Variants in ATG10 observed in about 807,000 individuals in gnomAD.
ATG10 encodes ubiquitin-like-conjugating enzyme ATG10.
In ATG10, 30 loss-of-function variants were observed where a neutral mutation model predicts 32.1. That is an observed-to-expected ratio of 0.94 (90% CI 0.70 to 1.27). The LOEUF (loss-of-function observed/expected upper bound fraction) is 1.27, where lower values mean the gene tolerates loss of function less well. ATG10 is among the 50% of genes most tolerant of loss of function. ATG10 has a pLI of 0.00. For missense variants in ATG10, 233 were observed against 262.3 expected (o/e 0.89, Z 0.77); for synonymous variants, 87 against 91.5 (o/e 0.95, Z 0.28).
At chr5:81,978,193 C>T (rs576830565) in intron 1 of ATG10, among the ~76,000 whole-genome samples, 1 of 152,188 alleles carries the variant, frequency 6.6e-6, no homozygotes, top group East Asian at 1.9e-4. Context: ...CCTCAGCCTC[C>T]CAAGTAGCTG....
intron 3 of ATG10, among the ~76,000 whole-genome samples, chr5:82,162,155 GTTA>G (rs1218171465): frequency 3.3e-5 from 5 of 151,790 alleles, no homozygotes; most frequent in Middle Eastern, 3.2e-3. Flanking sequence ...ATCTCTAATA[GTTA>G]TTATTTCCGA....
rs869311526 is a variant in ATG10, at chr5:82,100,000, GTTTTTTTTTTT to G, written c.216+41414_216+41424del. 6.8e-3 allele frequency among the ~76,000 whole-genome samples: 400 copies of G among 58,960 alleles called. 5 individuals are homozygous for G. The highest frequency in any genetic ancestry group is 0.037 in the Middle Eastern group (3 of 80). 38.7% of individuals were successfully genotyped at this position (58,960 alleles called of 152,430 possible). The stretch of plus-strand genomic sequence containing the variant: ...CTGATTTCTTTCTTTCTTTTTCTGT[GTTTTTTTTTTT>G]TTTTTTTTTTTTTTTGAGCTGGAGT... On this transcript the variant is annotated intron_variant, in intron 3 of 7. Coordinates refer to ENST00000282185, the MANE Select transcript of ATG10 (RefSeq NM_031482.5).
At chr5:82,145,183 T>G (rs1767300344) in intron 3 of ATG10, among the ~76,000 whole-genome samples, 1 of 152,122 alleles carries the variant, frequency 6.6e-6, no homozygotes, top group South Asian at 2.1e-4. Flanking sequence ...TGCTTTGTTT[T>G]TTAAAAATTC....
intron 5 of ATG10, among the ~76,000 whole-genome samples, chr5:82,197,498 A>G (rs200978304): frequency 1.4e-5 from 2 of 139,774 alleles, no homozygotes; most frequent in South Asian, 2.3e-4. Flanking sequence ...CTACCTACCT[A>G]CCTGCCTATC....
At chr5:82,059,728 TC>T (rs756793250) in intron 3 of ATG10, among the ~76,000 whole-genome samples, 20 of 152,140 alleles carry the variant, frequency 1.3e-4, no homozygotes, top group Non-Finnish European at 2.9e-4. Flanking sequence ...CAATCAGACA[TC>T]AGCCCCCTTG....
intron 5 of ATG10, among the ~76,000 whole-genome samples, chr5:82,227,366 T>G (rs1172583360): frequency 6.6e-6 from 1 of 151,468 alleles, no homozygotes. Flanking sequence ...TATATATATT[T>G]TAAAATTTTA....
At chr5:81,993,413 C>A (rs1187390407) in intron 2 of ATG10, among the ~76,000 whole-genome samples, 5 of 106,720 alleles carry the variant, frequency 4.7e-5, no homozygotes, top group Admixed American at 3.2e-4. Flanking sequence ...CTTTTCTTTT[C>A]TTTTCTTTTC....
At chr5:82,022,348 A>G (rs1179784107) in intron 2 of ATG10, among the ~76,000 whole-genome samples, 2 of 134,012 alleles carry the variant, frequency 1.5e-5, no homozygotes, top group East Asian at 2.2e-4. Context: ...TTTTTTTTTG[A>G]GACGGAGTCT....
intron 2 of ATG10, among the ~76,000 whole-genome samples, chr5:82,021,085 T>C (rs1306491865): frequency 6.6e-6 from 1 of 152,244 alleles, no homozygotes; most frequent in Non-Finnish European, 1.5e-5. Context: ...AAGTCATTTT[T>C]TTTAATAACC....
At chr5:82,013,039 G>A (rs1302789759) in intron 2 of ATG10, among the ~76,000 whole-genome samples, 1 of 149,672 alleles carries the variant, frequency 6.7e-6, no homozygotes, top group Non-Finnish European at 1.5e-5. Context: ...TTGGCTCACT[G>A]CAACCTGCAC....
chr5:82,017,907 A>AT (rs1348232750), intron 2 of ATG10, among the ~76,000 whole-genome samples: 2 of 151,170 alleles, frequency 1.3e-5, no homozygotes, highest in South Asian at 2.1e-4. Context: ...CTGTTTCTTT[A>AT]TTTTTTCCCC....
intron 3 of ATG10, among the ~76,000 whole-genome samples, chr5:82,125,749 C>G (rs1003389965): frequency 1.3e-5 from 2 of 151,966 alleles, no homozygotes; most frequent in Non-Finnish European, 2.9e-5. Flanking sequence ...ATTGTCTTGG[C>G]TATGAGGGCT....
intron 3 of ATG10, among the ~76,000 whole-genome samples, chr5:82,069,620 C>T (rs890698236): frequency 2.0e-5 from 3 of 152,102 alleles, no homozygotes; most frequent in Admixed American, 6.6e-5. Flanking sequence ...AAACTGATAT[C>T]GCTTGTCTCT....
At chr5:82,104,886 T>C (rs1446725702) in intron 3 of ATG10, among the ~76,000 whole-genome samples, 4 of 152,186 alleles carry the variant, frequency 2.6e-5, no homozygotes, top group South Asian at 4.1e-4. Context: ...TTCATTTAAA[T>C]GTATTTTTGT....
intron 3 of ATG10, among the ~76,000 whole-genome samples, chr5:82,156,830 C>T (rs528360621): frequency 1.3e-5 from 2 of 152,258 alleles, no homozygotes; most frequent in South Asian, 2.1e-4. Flanking sequence ...GTGATAAGTG[C>T]GATTAAGCAT....
At chr5:81,975,361 G>T (rs1303076095) in intron 1 of ATG10, among the ~76,000 whole-genome samples, 2 of 152,168 alleles carry the variant, frequency 1.3e-5, no homozygotes, top group Admixed American at 1.3e-4. Context: ...TGAAGGCAAA[G>T]ACTGTATTAT....
intron 2 of ATG10, among the ~76,000 whole-genome samples, chr5:82,055,624 C>T (rs7733122): frequency 0.19 from 28,615 of 152,118 alleles, 3,107 homozygotes; most frequent in Middle Eastern, 0.28. Context: ...ACACACAGTG[C>T]AGCTCCGTGT....
chr5:81,983,729 G>A (rs1581565111), intron 1 of ATG10, among the ~76,000 whole-genome samples: 1 of 149,658 alleles, frequency 6.7e-6, no homozygotes, highest in Non-Finnish European at 1.5e-5. Context: ...GGGCGTAGGG[G>A]CTTCTCACTT....
intron 2 of ATG10, among the ~76,000 whole-genome samples, chr5:81,995,191 C>A (rs796133544): frequency 5.3e-5 from 8 of 152,238 alleles, no homozygotes; most frequent in African/African-American, 1.9e-4. Flanking sequence ...AGTACAGTGG[C>A]ACGATCTCGA....
Sources: allele counts gnomAD v4.1 joint callset (sites outside exome capture counted in the v4.1 genomes callset), GRCh38; gene constraint gnomAD v4.1.1; transcripts MANE v1.5; gene names NCBI Gene and HGNC (gene_info 2026-07-23, HGNC 2026-07-21).